Variants in PIK3CB observed in about 807,000 individuals in gnomAD.
The protein encoded by PIK3CB is phosphatidylinositol 4,5-bisphosphate 3-kinase catalytic subunit beta isoform.
PIK3CB carries 39 observed loss-of-function variants against 136.8 expected under a neutral mutation model. The observed-to-expected ratio is 0.29, with a 90% CI of 0.22 to 0.37. The LOEUF is 0.37. Ranked by LOEUF, PIK3CB falls within the 10% of genes least tolerant of loss-of-function variation. The pLI is 1.00. For synonymous variants in PIK3CB, 428 were observed against 436.6 expected (o/e 0.98, Z 0.25); for missense variants, 868 against 1,275.4 (o/e 0.68, Z 4.87).
chr3:138,803,397 T>C (rs2046198286), intron 1 of PIK3CB, among the ~76,000 whole-genome samples: 1 of 152,172 alleles, frequency 6.6e-6, no homozygotes, highest in South Asian at 2.1e-4. Flanking sequence ...TCTAAATCAA[T>C]ACCTCTTTCC....
intron 2 of PIK3CB, among the ~76,000 whole-genome samples, chr3:138,765,459 C>T (rs1390479533): frequency 2.0e-5 from 3 of 152,098 alleles, no homozygotes; most frequent in Non-Finnish European, 4.4e-5. Flanking sequence ...CAAACAGCCT[C>T]CGCAAGTGAT....
In PIK3CB at chr3:138,654,441, T is replaced by C. The variant is rs1472881384; in HGVS notation, c.*948A>G. 4.4e-6 allele frequency: 1 copy of C among 228,186 alleles called. No homozygotes were observed. The highest frequency in any genetic ancestry group is 8.7e-6 in the Non-Finnish European group (1 of 115,066). The allele number at this position is 228,186 out of a possible 1,614,324, so 14.1% of individuals were successfully genotyped here. A position where few individuals can be genotyped will look rare whatever the true frequency, so the allele number is the denominator to read the frequency against. ...ACAGTAAGAAGAGCTGGCATTTTTCTAAAATACTGAATTTCAGATCTGGAG... is the reference window on the plus strand; with the variant it reads ...ACAGTAAGAAGAGCTGGCATTTTTCCAAAATACTGAATTTCAGATCTGGAG... On this transcript the variant is annotated 3_prime_UTR_variant, in exon 24 of 24. Transcript: ENST00000674063.
intron 2 of PIK3CB, among the ~76,000 whole-genome samples, chr3:138,768,478 T>C (rs894281262): frequency 3.3e-5 from 5 of 152,162 alleles, no homozygotes; most frequent in African/African-American, 9.7e-5. Flanking sequence ...CAGGCAGCCA[T>C]GGGCAGGCCC....
At chr3:138,694,741 C>T in intron 14 of PIK3CB, 45 bp downstream of exon 14, 1 of 1,600,746 alleles carries the variant, frequency 6.2e-7, no homozygotes, top group South Asian at 1.1e-5. Context: ...CCCAAACCCA[C>T]CCAAGTTATT....
At chr3:138,747,065 T>TAC (rs2045371580) in intron 4 of PIK3CB, among the ~76,000 whole-genome samples, 2 of 23,602 alleles carry the variant, frequency 8.5e-5, no homozygotes, top group African/African-American at 4.5e-4. Context: ...TATATATATA[T>TAC]ATATATATAT....
In PIK3CB at chr3:138,734,644, C is replaced by T. The variant is rs1451809865; in HGVS notation, c.962G>A (p.Arg321Gln). Residue 321 changes from arginine (R) to glutamine (Q), a missense_variant, in exon 7 of 24, where the codon CGA becomes CAA. Physicochemically the swap from Arg to Gln is conservative, Grantham distance 43 (BLOSUM62 1). Around this residue, in one of 4 missense-constraint regions of PIK3CB, gnomAD observed 612 missense variants for 801.1 expected, o/e 0.76. Coordinates refer to ENST00000674063, the MANE Select transcript of PIK3CB (RefSeq NM_006219.3). ...AGAAATAAAACTTACAGAAATAATT[C>T]GTGTTTTCTTTGGTGGTAATGGAAG... ...LPLPLPPKKTRIISHVWENNN... is the reference protein window; with the variant it reads ...LPLPLPPKKTQIISHVWENNN... 6.2e-6 allele frequency: 10 copies of T among 1,605,634 alleles called. No homozygotes were observed. In the East Asian group the frequency reaches 1.6e-4, roughly 25 times the overall value.
At chr3:138,791,666 A>G (rs2046049131) in intron 2 of PIK3CB, among the ~76,000 whole-genome samples, 1 of 152,182 alleles carries the variant, frequency 6.6e-6, no homozygotes. Context: ...CTTGCAGCTC[A>G]TAGAACACAT....
intron 2 of PIK3CB, among the ~76,000 whole-genome samples, chr3:138,761,424 A>T (rs548273534): frequency 6.6e-6 from 1 of 152,378 alleles, no homozygotes; most frequent in African/African-American, 2.4e-5. Context: ...AGAATTTAAA[A>T]AACACTTAGG....
intron 1 of PIK3CB, among the ~76,000 whole-genome samples, chr3:138,807,730 T>C (rs923381519): frequency 6.6e-6 from 1 of 152,068 alleles, no homozygotes; most frequent in African/African-American, 2.4e-5. Context: ...TCATCTACAC[T>C]AAAAATTTTA....
chr3:138,826,034 A>G, intron 1 of PIK3CB: 1 of 1,313,080 alleles, frequency 7.6e-7, no homozygotes, highest in Admixed American at 1.8e-5. Flanking sequence ...GGATTGTCAC[A>G]CAGCTTACAC....
chr3:138,709,995 T>C (rs2044462412), intron 10 of PIK3CB, among the ~76,000 whole-genome samples: 1 of 130,648 alleles, frequency 7.7e-6, no homozygotes, highest in Admixed American at 9.1e-5. Context: ...TTGGGCAACA[T>C]GGCGAAACCC....
chr3:138,831,055 G>A (rs1934011743), intron 1 of PIK3CB, among the ~76,000 whole-genome samples: 1 of 150,060 alleles, frequency 6.7e-6, no homozygotes, highest in African/African-American at 2.4e-5. Context: ...GGCCAAGGCG[G>A]GCGGATCACG....
At chr3:138,705,598 TGAA>T (rs1353585289) in intron 11 of PIK3CB, among the ~76,000 whole-genome samples, 1 of 152,124 alleles carries the variant, frequency 6.6e-6, no homozygotes, top group Non-Finnish European at 1.5e-5. Flanking sequence ...ATAATGAAAA[TGAA>T]GAAAGAGTGA....
At chr3:138,792,250 G>C (rs56382670) in intron 2 of PIK3CB, among the ~76,000 whole-genome samples, 5,795 of 152,142 alleles carry the variant, frequency 0.038, 378 homozygotes, top group African/African-American at 0.13. Flanking sequence ...TGTTGTGCCT[G>C]TACTAAACAT....
At chr3:138,668,834 T>C (rs531822687) in intron 19 of PIK3CB, among the ~76,000 whole-genome samples, 36 of 152,126 alleles carry the variant, frequency 2.4e-4, no homozygotes, top group Non-Finnish European at 4.4e-4. Flanking sequence ...CAACCACCCA[T>C]GCCATCCCTC....
intron 7 of PIK3CB, 31 bp downstream of exon 7, chr3:138,734,603 G>A (rs771603536): frequency 2.6e-6 from 4 of 1,515,252 alleles, no homozygotes; most frequent in East Asian, 2.3e-5. Context: ...ATGGCTTTTG[G>A]GGTTACTAAA....
At chr3:138,714,206 AAC>A (rs2108582734) in intron 9 of PIK3CB, among the ~76,000 whole-genome samples, 1 of 152,308 alleles carries the variant, frequency 6.6e-6, no homozygotes, top group South Asian at 2.1e-4. Flanking sequence ...TATATAATAA[AAC>A]ACTTATAAAA....
intron 1 of PIK3CB, among the ~76,000 whole-genome samples, chr3:138,808,366 T>C (rs962166139): frequency 6.6e-6 from 1 of 152,064 alleles, no homozygotes; most frequent in African/African-American, 2.4e-5. Context: ...TGCAGTGGCA[T>C]ACACCTGTAA....
intron 2 of PIK3CB, among the ~76,000 whole-genome samples, chr3:138,784,244 G>A (rs1056508625): frequency 6.6e-6 from 1 of 152,030 alleles, no homozygotes. Context: ...AAATTAGCTG[G>A]GTGCAGTGGC....
Sources: gnomAD v4.1 joint callset for allele counts (sites outside exome capture counted in the v4.1 genomes callset) on GRCh38, gnomAD v4.1.1 for gene constraint, gnomAD v4.1.1 regional missense constraint, MANE v1.5 for transcripts, NCBI Gene and HGNC (gene_info 2026-07-23, HGNC 2026-07-21) for gene names.